The following PUDP variants were observed in gnomAD, a reference collection of about 807,000 sequenced individuals.
The protein encoded by PUDP is pseudouridine-5'-phosphatase.
A neutral mutation model predicts 9.4 loss-of-function variants in PUDP; 8 were observed. That is an observed-to-expected ratio of 0.85 (90% CI 0.50 to 1.53). PUDP has a LOEUF of 1.53. Ranked by LOEUF, PUDP falls within the 40% of genes most tolerant of loss-of-function variation. PUDP has a pLI of 0.00. For synonymous variants in PUDP, 99 were observed against 80.7 expected (o/e 1.23, Z -1.22); for missense variants, 188 against 189.7 (o/e 0.99, Z 0.05).
chrX:6,875,539 G>A (rs1317487192), intron 3 of PUDP, among the ~76,000 whole-genome samples: 4 of 111,421 alleles, frequency 3.6e-5, no homozygotes, highest in Admixed American at 9.6e-5. Context: ...CCAGACCAAC[G>A]TTAACAAAAA....
chrX:6,780,743 ACACCC>A (rs1444585990), intron 3 of PUDP, among the ~76,000 whole-genome samples: 1 of 110,671 alleles, frequency 9.0e-6, no homozygotes, highest in Non-Finnish European at 1.9e-5. Context: ...ACACACACAC[ACACCC>A]CACCACCGCC....
intron 3 of PUDP, among the ~76,000 whole-genome samples, chrX:6,878,405 C>T (rs1448843525): frequency 5.6e-5 from 6 of 107,812 alleles, no homozygotes; most frequent in Non-Finnish European, 1.1e-4. Flanking sequence ...CTCAATCTGT[C>T]GCCCAGGCTG....
chrX:6,744,066 G>T (rs1181389120), intron 3 of PUDP, among the ~76,000 whole-genome samples: 2 of 111,588 alleles, frequency 1.8e-5, no homozygotes, highest in Non-Finnish European at 3.8e-5. Flanking sequence ...GGCTTGAGGG[G>T]AATGAGGTCT....
chrX:6,749,328 C>T (rs1925038172), intron 3 of PUDP, among the ~76,000 whole-genome samples: 1 of 111,398 alleles, frequency 9.0e-6, no homozygotes. Context: ...CATGAATTTT[C>T]ACTGTTGGAT....
chrX:7,052,523 G>A (rs955885530), intron 3 of PUDP, among the ~76,000 whole-genome samples: 1 of 111,874 alleles, frequency 8.9e-6, no homozygotes, highest in Non-Finnish European at 1.9e-5. Context: ...AACTACTAGT[G>A]GTCTGTGCTG....
chrX:6,998,006 G>T (rs1054785885), intron 1 of PUDP, among the ~76,000 whole-genome samples: 1 of 112,056 alleles, frequency 8.9e-6, no homozygotes, highest in Non-Finnish European at 1.9e-5. Context: ...TAGAAGGATT[G>T]TATCTCCTTT....
At chrX:6,888,269 AAAG>A (rs1222354383) in intron 3 of PUDP, among the ~76,000 whole-genome samples, 1 of 110,745 alleles carries the variant, frequency 9.0e-6, no homozygotes, top group Non-Finnish European at 1.9e-5. Flanking sequence ...TTTCGTGGGG[AAAG>A]AACACAGCAT....
rs1930936858 is a variant in PUDP, at chrX:7,077,251, T to C, written c.479A>G (p.Lys160Arg). The change falls in exon 3 of 4, where the codon AAG (lysine) becomes AGG (arginine). Residue 160 changes from lysine to arginine, a missense_variant. By Grantham distance (26) the Lys-to-Arg change is conservative. Transcript: ENST00000381077. ...CATAGCAGGAGGGGGAGAGAACCTC[T>C]TGGCACAAGCTAGGAAGATGTCCGG... ...PDPDIFLACA[K>R]RFSPPPAMEK... 8.3e-7 allele frequency: 1 copy of C among 1,198,562 alleles called. No homozygotes were observed. Among genetic ancestry groups the C allele is most frequent in the Non-Finnish European group, 1.1e-6 (1 of 889,483 alleles).
intron 3 of PUDP, among the ~76,000 whole-genome samples, chrX:6,932,643 T>C (rs1454721035): frequency 2.7e-5 from 3 of 111,423 alleles, no homozygotes; most frequent in Admixed American, 9.5e-5. Flanking sequence ...GCGCGCACCG[T>C]GCGCGAGCCG....
intron 1 of PUDP, among the ~76,000 whole-genome samples, chrX:7,001,368 A>G (rs1929322375): frequency 9.0e-6 from 1 of 111,590 alleles, no homozygotes; most frequent in South Asian, 3.7e-4. Context: ...CTACTCCTCT[A>G]TTCAATCTGT....
At chrX:6,907,848 G>A (rs994931788) in intron 3 of PUDP, among the ~76,000 whole-genome samples, 1 of 111,590 alleles carries the variant, frequency 9.0e-6, no homozygotes, top group South Asian at 3.8e-4. Context: ...AAGGCAAAGG[G>A]GGCAACATAA....
intron 3 of PUDP, among the ~76,000 whole-genome samples, chrX:6,961,824 C>T (rs1374399535): frequency 4.5e-5 from 5 of 111,631 alleles, no homozygotes; most frequent in Non-Finnish European, 5.6e-5. Context: ...ATTCCATATC[C>T]GTGCATGGTC....
intron 3 of PUDP, among the ~76,000 whole-genome samples, chrX:6,838,494 T>C (rs1440330136): frequency 8.9e-6 from 1 of 112,509 alleles, no homozygotes; most frequent in Admixed American, 9.4e-5. Context: ...GGTGTGGGTA[T>C]GATACATATT....
chrX:7,126,147 C>T (rs1340953206), intron 1 of PUDP, among the ~76,000 whole-genome samples: 1 of 112,172 alleles, frequency 8.9e-6, no homozygotes, highest in Non-Finnish European at 1.9e-5. Flanking sequence ...AAGTGCTTCT[C>T]TCCTAAAGAC....
At chrX:6,761,082 A>T (rs1463614834) in intron 3 of PUDP, among the ~76,000 whole-genome samples, 2 of 111,881 alleles carry the variant, frequency 1.8e-5, no homozygotes, top group Admixed American at 9.5e-5. Context: ...TCTCAAGATC[A>T]GGTTAGAGCC....
chrX:7,017,932 T>C (rs1929574024), intron 1 of PUDP, among the ~76,000 whole-genome samples: 1 of 111,293 alleles, frequency 9.0e-6, no homozygotes, highest in Admixed American at 9.5e-5. Flanking sequence ...ATAAAACAGG[T>C]TGCAGTAAAG....
At chrX:6,810,617 T>C (rs146335395) in intron 3 of PUDP, among the ~76,000 whole-genome samples, 1,898 of 111,704 alleles carry the variant, frequency 0.017, 43 homozygotes, top group African/African-American at 0.058. Context: ...AAATGCTCCA[T>C]AGAGGGCAAC....
chrX:7,146,847 T>G (rs1487863138), intron 1 of PUDP, among the ~76,000 whole-genome samples: 1 of 107,160 alleles, frequency 9.3e-6, no homozygotes, highest in Non-Finnish European at 1.9e-5. Flanking sequence ...TTTTTTTTTT[T>G]TTTTTTTTTT....
chrX:6,724,161 G>A (rs1390582346), upstream of PUDP, among the ~76,000 whole-genome samples: 1 of 111,246 alleles, frequency 9.0e-6, no homozygotes, highest in Non-Finnish European at 1.9e-5. Context: ...CACGTATAAT[G>A]TAATTTAATG....
Sources: allele counts gnomAD v4.1 joint callset (sites outside exome capture counted in the v4.1 genomes callset), GRCh38; gene constraint gnomAD v4.1.1; transcripts MANE v1.5; gene names NCBI Gene and HGNC (gene_info 2026-07-23, HGNC 2026-07-21).